WWP2: variants seen among roughly 807,000 people sequenced by gnomAD.
The protein encoded by WWP2 is WW domain containing E3 ubiquitin protein ligase 2.
In WWP2, 57 loss-of-function variants were observed where a neutral mutation model predicts 121.0. The observed-to-expected ratio is 0.47, with a 90% CI of 0.38 to 0.59. The LOEUF (loss-of-function observed/expected upper bound fraction) is 0.59. Ranked by LOEUF, WWP2 falls within the 20% of genes least tolerant of loss-of-function variation. The pLI, the probability that WWP2 is intolerant of heterozygous loss-of-function variation, is 0.00. For synonymous variants in WWP2, 449 were observed against 441.3 expected, an observed-to-expected ratio of 1.02 and a Z score of -0.22; for missense variants, 962 against 1,158.9, an observed-to-expected ratio of 0.83 and a Z score of 2.47.
chr16:69,816,889 G>A (rs890825117), intron 4 of WWP2, among the ~76,000 whole-genome samples: 10 of 152,158 alleles, frequency 6.6e-5, no homozygotes, highest in Non-Finnish European at 2.9e-5. Context: ...CTTTGATGAA[G>A]AAATTGAGGT....
intron 1 of WWP2, among the ~76,000 whole-genome samples, chr16:69,777,750 T>C (rs1226632660): frequency 6.6e-6 from 1 of 151,462 alleles, no homozygotes; most frequent in Non-Finnish European, 1.5e-5. Context: ...TGTTTGTATT[T>C]ATATTATATA....
At chr16:69,804,756 G>A (rs79600219) in intron 4 of WWP2, among the ~76,000 whole-genome samples, 8,867 of 151,950 alleles carry the variant, frequency 0.058, 841 homozygotes, top group African/African-American at 0.2. Flanking sequence ...ATGGAGTCCT[G>A]TCATATGTAA....
intron 9 of WWP2, among the ~76,000 whole-genome samples, chr16:69,912,300 A>C (rs1014925194): frequency 2.0e-5 from 3 of 149,252 alleles, no homozygotes; most frequent in Non-Finnish European, 4.5e-5. Flanking sequence ...TCAAAAAAAA[A>C]CAAAACAAAA....
In WWP2 at chr16:69,893,690, C is replaced by T. The variant is rs1022013206; in HGVS notation, c.914+5441C>T. ...CCAAGTAGCTGGGAGTACAGGCTTG[C>T]GCCACCACGCCCAGCTAATTTTTTG... is the stretch of plus-strand genomic sequence containing the variant. On this transcript the variant is annotated intron_variant, in intron 8 of 23. Coordinates refer to ENST00000359154, the MANE Select transcript of WWP2 (RefSeq NM_001270454.2). 3.9e-5 allele frequency among the ~76,000 whole-genome samples: 6 copies of T among 151,906 alleles called. No individual in the cohort carries two copies. In the South Asian group the frequency reaches 6.2e-4, roughly 16 times the overall value.
At chr16:69,891,572 A>G (rs560018289) in intron 8 of WWP2, among the ~76,000 whole-genome samples, 1 of 152,318 alleles carries the variant, frequency 6.6e-6, no homozygotes, top group South Asian at 2.1e-4. Flanking sequence ...GGTACTGGGT[A>G]TGGCAGATGC....
At chr16:69,815,432 T>G (rs2056469997) in intron 4 of WWP2, among the ~76,000 whole-genome samples, 1 of 151,428 alleles carries the variant, frequency 6.6e-6, no homozygotes, top group Non-Finnish European at 1.5e-5. Flanking sequence ...CACTGAGCTA[T>G]GATCATGGCA....
chr16:69,817,537 A>T (rs898049861), intron 4 of WWP2, among the ~76,000 whole-genome samples: 2 of 152,032 alleles, frequency 1.3e-5, no homozygotes, highest in Non-Finnish European at 2.9e-5. Context: ...GGTGTGAGCT[A>T]CTGTGCCCAG....
intron 6 of WWP2, among the ~76,000 whole-genome samples, chr16:69,853,782 G>T (rs2151892997): frequency 6.6e-6 from 1 of 152,288 alleles, no homozygotes. Flanking sequence ...CAAGGTGAAG[G>T]GTAAGGAGGG....
At chr16:69,841,454 G>A (rs912735835) in intron 5 of WWP2, among the ~76,000 whole-genome samples, 2 of 152,094 alleles carry the variant, frequency 1.3e-5, no homozygotes, top group African/African-American at 2.4e-5. Flanking sequence ...GGCAGTCAGC[G>A]TGGTTGGATT....
At chr16:69,854,552 T>TTA (rs2057275071) in intron 6 of WWP2, among the ~76,000 whole-genome samples, 1 of 151,848 alleles carries the variant, frequency 6.6e-6, no homozygotes, top group Non-Finnish European at 1.5e-5. Context: ...TTTTTTTTTT[T>TTA]AAGTTTATTT....
chr16:69,929,561 T>C (rs1451143580), intron 12 of WWP2, 32 bp downstream of exon 12: 3 of 1,601,600 alleles, frequency 1.9e-6, no homozygotes, highest in Non-Finnish European at 2.6e-6. Flanking sequence ...GGGGCCGGGC[T>C]GGGCTGGGTC....
intron 1 of WWP2, among the ~76,000 whole-genome samples, chr16:69,770,928 T>C (rs1433180550): frequency 6.6e-6 from 1 of 150,926 alleles, no homozygotes; most frequent in Non-Finnish European, 1.5e-5. Flanking sequence ...AGCCCAGGAG[T>C]TTGAGATCAA....
chr16:69,840,976 G>A (rs928369929), intron 5 of WWP2, among the ~76,000 whole-genome samples: 3 of 152,232 alleles, frequency 2.0e-5, no homozygotes, highest in African/African-American at 7.2e-5. Context: ...TCAGTGGCCG[G>A]ATGGGCCTTG....
At chr16:69,771,482 A>C (rs987233424) in intron 1 of WWP2, among the ~76,000 whole-genome samples, 1 of 152,094 alleles carries the variant, frequency 6.6e-6, no homozygotes, top group Admixed American at 6.6e-5. Context: ...CCTGACCTCA[A>C]GTGATCCACC....
At chr16:69,904,961 G>T (rs117332082) in intron 8 of WWP2, among the ~76,000 whole-genome samples, 1 of 152,152 alleles carries the variant, frequency 6.6e-6, no homozygotes, top group Non-Finnish European at 1.5e-5. Flanking sequence ...AACTTAGTAC[G>T]TAAACCAACC....
chr16:69,819,638 C>A (rs1333078108), intron 4 of WWP2, among the ~76,000 whole-genome samples: 2 of 152,058 alleles, frequency 1.3e-5, no homozygotes, highest in African/African-American at 4.8e-5. Flanking sequence ...GAACTCCTGG[C>A]CCCAAGCAAT....
rs2058789911 is a variant in WWP2, at chr16:69,935,864, T to C, written c.1854T>C (p.His618=). The C allele has an allele frequency of 2.5e-6, 4 of 1,613,444 alleles. No individual in the cohort carries two copies. The highest frequency in any genetic ancestry group is 2.7e-5 in the African/African-American group (2 of 74,906). Residue 618 remains histidine (H), a synonymous_variant, in exon 18 of 24, where the codon CAT becomes CAC. Transcript: ENST00000359154. This position sits in a 1 kb window ranked among gnomAD's most constrained non-coding sequence, Gnocchi z 5.2. The stretch of plus-strand genomic sequence containing the variant: ...CTCTTCCTTCCCAGGCGCTGTACCA[T>C]GGAAAGTTCATCGACACGGGCTTCA... ...IGRFIAMALY[H]GKFIDTGFTL...
At chr16:69,802,040 C>G (rs1215694435) in intron 4 of WWP2, among the ~76,000 whole-genome samples, 1 of 151,978 alleles carries the variant, frequency 6.6e-6, no homozygotes, top group Non-Finnish European at 1.5e-5. Flanking sequence ...AGCGATTCTC[C>G]TGCCTCAGCC....
chr16:69,817,713 CAG>C (rs1020899966), intron 4 of WWP2, among the ~76,000 whole-genome samples: 12 of 142,520 alleles, frequency 8.4e-5, no homozygotes, highest in African/African-American at 2.6e-4. Context: ...CTCCGTCACA[CAG>C]GGGTGTGATC....
Sources: allele counts gnomAD v4.1 joint callset (sites outside exome capture counted in the v4.1 genomes callset), GRCh38; gene constraint gnomAD v4.1.1; non-coding constraint Gnocchi (gnomAD v3.1); transcripts MANE v1.5; gene names NCBI Gene and HGNC (gene_info 2026-07-23, HGNC 2026-07-21).